ELAPOR2: variants seen among roughly 807,000 people sequenced by gnomAD.
The protein encoded by ELAPOR2 is endosome/lysosome-associated apoptosis and autophagy regulator family member 2.
A neutral mutation model predicts 120.7 loss-of-function variants in ELAPOR2; 89 were observed. That is an observed-to-expected ratio of 0.74 (90% CI 0.62 to 0.88). The LOEUF (loss-of-function observed/expected upper bound fraction) is 0.88. Among genes scored for constraint, ELAPOR2 ranks in the 40% least tolerant of loss-of-function variants. ELAPOR2 has a pLI of 0.00. For synonymous variants in ELAPOR2, 444 were observed against 444.9 expected (o/e 1.00, Z 0.03); for missense variants, 1,134 against 1,251.6 (o/e 0.91, Z 1.42).
chr7:86,967,317 G>A (rs1027905126), intron 1 of ELAPOR2, among the ~76,000 whole-genome samples: 84 of 152,100 alleles, frequency 5.5e-4, no homozygotes, highest in African/African-American at 1.8e-3. Context: ...AAAATTAGCC[G>A]GGCGTGGTGG....
chr7:86,990,785 C>T (rs930051988), intron 1 of ELAPOR2, among the ~76,000 whole-genome samples: 2 of 152,140 alleles, frequency 1.3e-5, no homozygotes, highest in Non-Finnish European at 2.9e-5. Context: ...TAAACTTATA[C>T]AGTTTGTGAT....
intron 1 of ELAPOR2, among the ~76,000 whole-genome samples, chr7:86,988,557 T>C (rs1052933980): frequency 2.0e-5 from 3 of 152,156 alleles, no homozygotes; most frequent in Non-Finnish European, 2.9e-5. Flanking sequence ...TTGGAGGATA[T>C]TGGTATCTAC....
intron 1 of ELAPOR2, among the ~76,000 whole-genome samples, chr7:87,022,545 G>T (rs1354175242): frequency 6.6e-6 from 1 of 152,072 alleles, no homozygotes; most frequent in Non-Finnish European, 1.5e-5. Flanking sequence ...AAACATGTGT[G>T]CATGTATCTT....
intron 1 of ELAPOR2, among the ~76,000 whole-genome samples, chr7:86,967,024 A>G (rs535007587): frequency 6.6e-6 from 1 of 152,252 alleles, no homozygotes; most frequent in South Asian, 2.1e-4. Context: ...GGGGATTAGG[A>G]CTTGGATTTT....
chr7:86,937,117 A>T (rs1790592943), intron 8 of ELAPOR2, among the ~76,000 whole-genome samples: 2 of 152,050 alleles, frequency 1.3e-5, no homozygotes, highest in Admixed American at 1.3e-4. Context: ...CTTACTTTAC[A>T]ACTCCTTGTC....
At chr7:86,889,367 C>T (rs1222171467) in intron 21 of ELAPOR2, among the ~76,000 whole-genome samples, 3 of 151,848 alleles carry the variant, frequency 2.0e-5, no homozygotes, top group African/African-American at 4.8e-5. Context: ...ATCAGAGATA[C>T]AGTACCCCCC....
intron 16 of ELAPOR2, among the ~76,000 whole-genome samples, chr7:86,909,478 G>GGCATATAAA (rs2116054017): frequency 6.6e-6 from 1 of 152,182 alleles, no homozygotes; most frequent in South Asian, 2.1e-4. Flanking sequence ...TAATTTAGGT[G>GGCATATAAA]TAGTTGTGTT....
Position 86,960,237 on chromosome 7 carries a change from T to C in ELAPOR2, c.310+4667A>G, listed in dbSNP as rs914353719. On this transcript the variant is annotated intron_variant, in intron 2 of 21. Coordinates refer to ENST00000450689, the MANE Select transcript of ELAPOR2 (RefSeq NM_001142749.3). Reference sequence around the variant, plus strand: ...GGTCCATTTGGTCTATAAAGCTGTTTAAGTCTGCTGGTTTTGTTTTTGTTT... The same window carrying C: ...GGTCCATTTGGTCTATAAAGCTGTTCAAGTCTGCTGGTTTTGTTTTTGTTT... Among the ~76,000 whole-genome samples the C allele has an allele frequency of 5.9e-5, 9 of 152,138 alleles. No homozygotes were observed. The East Asian group carries it at 1.7e-3, about 29-fold the overall frequency.
At chr7:86,954,785 G>A (rs1348887663) in intron 2 of ELAPOR2, among the ~76,000 whole-genome samples, 2 of 151,936 alleles carry the variant, frequency 1.3e-5, no homozygotes, top group Admixed American at 6.6e-5. Context: ...TCAATTCCAG[G>A]ATCAAGACAA....
At chr7:86,971,777 A>G (rs1792115810) in intron 1 of ELAPOR2, among the ~76,000 whole-genome samples, 1 of 152,184 alleles carries the variant, frequency 6.6e-6, no homozygotes, top group African/African-American at 2.4e-5. Flanking sequence ...AAAAGCCGAA[A>G]GCTAAGGGTA....
At chr7:86,881,693 G>C (rs989180129) in intron 21 of ELAPOR2, among the ~76,000 whole-genome samples, 1 of 151,940 alleles carries the variant, frequency 6.6e-6, no homozygotes, top group Non-Finnish European at 1.5e-5. Context: ...ACAACATTTT[G>C]CCATGTTGCC....
chr7:86,986,421 T>G (rs994281979), intron 1 of ELAPOR2, among the ~76,000 whole-genome samples: 1 of 84,490 alleles, frequency 1.2e-5, no homozygotes, highest in Admixed American at 1.1e-4. Context: ...AGAGCGAGAC[T>G]CCGTCTCAAA....
At chr7:86,931,192 T>C (rs113546171) in intron 8 of ELAPOR2, among the ~76,000 whole-genome samples, 65 of 152,048 alleles carry the variant, frequency 4.3e-4, no homozygotes, top group African/African-American at 1.5e-3. Flanking sequence ...ATTACACAAA[T>C]GTTGAAAGAA....
chr7:86,992,262 T>C (rs977357421), intron 1 of ELAPOR2, among the ~76,000 whole-genome samples: 2 of 152,024 alleles, frequency 1.3e-5, no homozygotes, highest in African/African-American at 4.8e-5. Context: ...ACCCTATCTC[T>C]ATGAAAAAAG....
At chr7:87,005,938 A>G (rs1437119150) in intron 1 of ELAPOR2, among the ~76,000 whole-genome samples, 2 of 152,192 alleles carry the variant, frequency 1.3e-5, no homozygotes, top group Non-Finnish European at 2.9e-5. Context: ...CTGAAATTTA[A>G]AATTCCTGCT....
chr7:87,044,030 C>T (rs1286860539), intron 1 of ELAPOR2, among the ~76,000 whole-genome samples: 1 of 140,790 alleles, frequency 7.1e-6, no homozygotes, highest in African/African-American at 2.7e-5. Context: ...AATAAAATAC[C>T]TAGGAATCCA....
At chr7:87,016,674 T>C (rs1793876870) in intron 1 of ELAPOR2, among the ~76,000 whole-genome samples, 1 of 148,670 alleles carries the variant, frequency 6.7e-6, no homozygotes, top group Non-Finnish European at 1.5e-5. Context: ...ATTATATATA[T>C]ATATAATATA....
chr7:86,919,098 TGTTA>T, intron 11 of ELAPOR2, 118 bp downstream of exon 11: 1 of 615,658 alleles, frequency 1.6e-6, no homozygotes, highest in Non-Finnish European at 2.8e-6. Flanking sequence ...TGTGACAGCT[TGTTA>T]TTTACTAAGT....
At chr7:86,887,353 T>C (rs1469560892) in intron 21 of ELAPOR2, among the ~76,000 whole-genome samples, 1 of 152,088 alleles carries the variant, frequency 6.6e-6, no homozygotes, top group African/African-American at 2.4e-5. Flanking sequence ...ATGCAGAGGT[T>C]ACTGCAGATG....
Sources: allele counts gnomAD v4.1 joint callset (sites outside exome capture counted in the v4.1 genomes callset), GRCh38; gene constraint gnomAD v4.1.1; transcripts MANE v1.5; gene names NCBI Gene and HGNC (gene_info 2026-07-23, HGNC 2026-07-21).